Variants in SATL1 observed in about 807,000 individuals in gnomAD.
SATL1 encodes spermidine/spermine N(1)-acetyltransferase-like protein 1.
A neutral mutation model predicts 51.8 loss-of-function variants in SATL1; 47 were observed. The ratio of observed to expected loss-of-function variants is 0.91; its 90% confidence interval spans 0.72 to 1.16. The LOEUF (loss-of-function observed/expected upper bound fraction) is 1.16, where lower values mean the gene tolerates loss of function less well. SATL1 is among the 50% of genes most tolerant of loss of function. SATL1 has a pLI of 0.00. For missense variants in SATL1, 520 were observed against 526.4 expected, an observed-to-expected ratio of 0.99 and a Z score of 0.12; for synonymous variants, 176 against 182.4, an observed-to-expected ratio of 0.97 and a Z score of 0.28.
At chrX:85,127,549 C>A (rs1236545113) in intron 2 of SATL1, among the ~76,000 whole-genome samples, 1 of 111,603 alleles carries the variant, frequency 9.0e-6, no homozygotes, top group Non-Finnish European at 1.9e-5. Context: ...TGATCTAATT[C>A]TCTTAACTTG....
At chrX:85,171,680 A>T (rs1926975524) in intron 2 of SATL1, among the ~76,000 whole-genome samples, 1 of 111,587 alleles carries the variant, frequency 9.0e-6, no homozygotes, top group African/African-American at 3.2e-5. Context: ...TGGGGACAAA[A>T]CTTACCCACC....
chrX:85,133,380 C>T (rs777916664), intron 2 of SATL1, among the ~76,000 whole-genome samples: 17 of 112,277 alleles, frequency 1.5e-4, no homozygotes, highest in Non-Finnish European at 2.8e-4. Flanking sequence ...ACCCCTCCCC[C>T]AGCCAGGCTT....
intron 2 of SATL1, among the ~76,000 whole-genome samples, chrX:85,184,229 C>T (rs765097646): frequency 5.4e-5 from 6 of 111,416 alleles, no homozygotes; most frequent in South Asian, 7.5e-4. Flanking sequence ...AGGTTTCCAC[C>T]GAAAAGTTTG....
intron 2 of SATL1, among the ~76,000 whole-genome samples, chrX:85,188,833 T>C (rs1232519325): frequency 2.7e-5 from 3 of 112,190 alleles, no homozygotes; most frequent in Non-Finnish European, 3.8e-5. Flanking sequence ...ATTAATATTA[T>C]TGAATGTTGA....
In SATL1 at chrX:85,214,234, G is replaced by T. The variant is rs1236160786; in HGVS notation, c.-313+9971C>A. On this transcript the variant is annotated intron_variant, in intron 2 of 7. Coordinates refer to ENST00000644105, the MANE Select transcript of SATL1 (RefSeq NM_001367857.2). ...ACATCTATTTCTGGTGAGGGCTTTAGGCTGCTTCCACTCATGGTAGAAGGC... is the reference window on the plus strand; with the variant it reads ...ACATCTATTTCTGGTGAGGGCTTTATGCTGCTTCCACTCATGGTAGAAGGC... 4.5e-5 allele frequency among the ~76,000 whole-genome samples: 5 copies of T among 111,601 alleles called. No homozygotes were observed. In the East Asian group the frequency reaches 1.4e-3, roughly 31 times the overall value.
intron 2 of SATL1, among the ~76,000 whole-genome samples, chrX:85,177,953 T>C (rs779086259): frequency 9.0e-6 from 1 of 111,711 alleles, no homozygotes; most frequent in East Asian, 2.8e-4. Flanking sequence ...TAAGATGAGA[T>C]AGAAGAAGCA....
chrX:85,094,164 A>G lies in SATL1; in HGVS notation c.1840T>C (p.Tyr614His). 3 of 1,196,402 alleles carry G rather than the reference A, an allele frequency of 2.5e-6. No individual in the cohort carries two copies. Among genetic ancestry groups the G allele is most frequent in the Admixed American group, 2.2e-5 (1 of 45,955 alleles). Reference sequence around the variant, plus strand: ...TGTGTGACATAAAAGTCCTCTAGGTAAAGTACCTTGCCAGTCCATGAGTCG... The same window carrying G: ...TGTGTGACATAAAAGTCCTCTAGGTGAAGTACCTTGCCAGTCCATGAGTCG... ...TYDSWTGKVLYLEDFYVTQAY... is the reference protein window; with the variant it reads ...TYDSWTGKVLHLEDFYVTQAY... The change falls in exon 6 of 8, where the codon TAC becomes CAC. Residue 614 changes from tyrosine to histidine, a missense_variant. Coordinates refer to ENST00000644105, the MANE Select transcript of SATL1 (RefSeq NM_001367857.2).
At chrX:85,219,023 C>T (rs2147759889) in intron 2 of SATL1, 1 of 111,959 alleles carries the variant, frequency 8.9e-6, no homozygotes, top group South Asian at 3.7e-4. Context: ...CATTTAATTA[C>T]ATTCGATATT....
chrX:85,218,918 T>C (rs1328967429), intron 2 of SATL1: 1 of 112,371 alleles, frequency 8.9e-6, no homozygotes, highest in Non-Finnish European at 1.9e-5. Flanking sequence ...ATGTGTTGTT[T>C]TAAATCACTA....
At chrX:85,109,824 TATA>T (rs771293237) in intron 2 of SATL1, among the ~76,000 whole-genome samples, 6 of 110,411 alleles carry the variant, frequency 5.4e-5, no homozygotes, top group Non-Finnish European at 1.1e-4. Context: ...GCCTGGCCAA[TATA>T]ATGAAACCTC....
rs758789480 is a variant in SATL1 at position 85,107,594 on chromosome X, G to C, written c.1375C>G (p.Pro459Ala). ...QVPSQLGMRQ[P>A]GTSQSSKNQT... Reference sequence around the variant, plus strand: ...TTCTTACTTGATTGGCTAGTGCCTGGTTGTCTCATGCCTAGTTGGCTGGGG... The same window carrying C: ...TTCTTACTTGATTGGCTAGTGCCTGCTTGTCTCATGCCTAGTTGGCTGGGG... Residue 459 changes from proline to alanine, a missense_variant, in exon 3 of 8, where the codon CCA (proline) becomes GCA (alanine). Physicochemically the swap from Pro to Ala is conservative, Grantham distance 27. This residue lies in a region of SATL1 where 488 missense variants were observed against 474.3 expected (regional missense o/e 1.03). Transcript: ENST00000644105. 3 of 1,212,166 alleles carry C rather than the reference G, an allele frequency of 2.5e-6. No homozygotes were observed. The highest frequency in any genetic ancestry group is 3.3e-6 in the Non-Finnish European group (3 of 895,620).
At chrX:85,203,762 C>A (rs954634334) in intron 2 of SATL1, among the ~76,000 whole-genome samples, 4 of 112,613 alleles carry the variant, frequency 3.6e-5, no homozygotes, top group African/African-American at 1.3e-4. Context: ...GCAAAGATGG[C>A]GGCCCGCCCC....
chrX:85,125,975 C>A (rs1181394138), intron 2 of SATL1, among the ~76,000 whole-genome samples: 1 of 110,520 alleles, frequency 9.0e-6, no homozygotes, highest in Non-Finnish European at 1.9e-5. Flanking sequence ...TACCCTTGAT[C>A]CAGAAGATCT....
chrX:85,129,739 A>T (rs1254837013), intron 2 of SATL1, among the ~76,000 whole-genome samples: 2 of 111,487 alleles, frequency 1.8e-5, no homozygotes, highest in African/African-American at 6.5e-5. Flanking sequence ...TTCAAAGGGA[A>T]TGCTTCCAGT....
At chrX:85,166,895 A>T (rs1926846874) in intron 2 of SATL1, among the ~76,000 whole-genome samples, 2 of 104,382 alleles carry the variant, frequency 1.9e-5, no homozygotes, top group African/African-American at 7.0e-5. Context: ...ATCAACCAAT[A>T]AGTGAATAAA....
intron 2 of SATL1, among the ~76,000 whole-genome samples, chrX:85,185,656 A>T (rs1212287916): frequency 9.0e-6 from 1 of 111,175 alleles, no homozygotes; most frequent in African/African-American, 3.3e-5. Context: ...ATGTTCCCTC[A>T]AGTCTTAAGG....
chrX:85,241,531 C>T (rs1342630453), intron 1 of SATL1, among the ~76,000 whole-genome samples: 1 of 112,083 alleles, frequency 8.9e-6, no homozygotes, highest in Non-Finnish European at 1.9e-5. Context: ...ATAGCATAAA[C>T]AGCCAGCTCT....
intron 3 of SATL1, among the ~76,000 whole-genome samples, chrX:85,104,359 C>G (rs1329202490): frequency 9.0e-6 from 1 of 111,595 alleles, no homozygotes; most frequent in Non-Finnish European, 1.9e-5. Context: ...TTTACTATAT[C>G]ATTTTATTTT....
At chrX:85,235,885 T>A (rs1298487979) in intron 1 of SATL1, among the ~76,000 whole-genome samples, 1 of 110,535 alleles carries the variant, frequency 9.0e-6, no homozygotes, top group Non-Finnish European at 1.9e-5. Context: ...AAAAGATTGA[T>A]GAAATAAAAA....
Sources: allele counts gnomAD v4.1 joint callset (sites outside exome capture counted in the v4.1 genomes callset), GRCh38; gene constraint gnomAD v4.1.1; regional missense constraint gnomAD v4.1.1; transcripts MANE v1.5; gene names NCBI Gene and HGNC (gene_info 2026-07-23, HGNC 2026-07-21).